SEC23A: variants seen among roughly 807,000 people sequenced by gnomAD.
SEC23A encodes the protein protein transport protein Sec23A.
A neutral mutation model predicts 103.7 loss-of-function variants in SEC23A; 56 were observed. That is an observed-to-expected ratio of 0.54 (90% CI 0.44 to 0.67). The LOEUF is 0.67. Among genes scored for constraint, SEC23A ranks in the 30% least tolerant of loss-of-function variants. SEC23A has a pLI of 0.00. For synonymous variants in SEC23A, 281 were observed against 293.0 expected (o/e 0.96, Z 0.42); for missense variants, 784 against 936.4 (o/e 0.84, Z 2.12).
At chr14:39,091,078 A>G in intron 5 of SEC23A, 1 of 417,790 alleles carries the variant, frequency 2.4e-6, no homozygotes, top group Admixed American at 3.2e-5. Flanking sequence ...TGATGATGAC[A>G]TGGACTTTGG....
intron 9 of SEC23A, among the ~76,000 whole-genome samples, chr14:39,070,441 T>C (rs557695863): frequency 6.6e-6 from 1 of 152,292 alleles, no homozygotes; most frequent in African/African-American, 2.4e-5. Flanking sequence ...CAGTATCTCC[T>C]ATGAAGACAG....
At chr14:39,073,773 C>G (rs1296414884) in intron 9 of SEC23A, among the ~76,000 whole-genome samples, 3 of 150,840 alleles carry the variant, frequency 2.0e-5, no homozygotes, top group African/African-American at 7.3e-5. Context: ...CCACGCCCAC[C>G]TAATTTTTGT....
Position 39,085,685 on chromosome 14 carries a change from TATATACACACACAC to T in SEC23A, c.828+63_828+76del, listed in dbSNP as rs932010040. The T allele has an allele frequency of 4.0e-4, 380 of 957,382 alleles. 4 individuals are homozygous for T. Among genetic ancestry groups the T allele is most frequent in the Non-Finnish European group, 5.3e-4 (354 of 664,770 alleles). 59.3% of individuals were successfully genotyped at this position (957,382 alleles called of 1,614,324 possible). ...TTGGTTCTTCTTATCCTTATAATTA[TATATACACACACAC>T]ACACACACACACACACACACACACA... is the stretch of plus-strand genomic sequence containing the variant. On this transcript the variant is annotated intron_variant, in intron 7 of 19. Coordinates refer to ENST00000307712, the MANE Select transcript of SEC23A (RefSeq NM_006364.4).
chr14:39,033,062 CATT>C lies in SEC23A; in HGVS notation c.*174_*176del. 1.6e-6 allele frequency: 1 copy of C among 614,622 alleles called. No homozygotes were observed. Among genetic ancestry groups the C allele is most frequent in the Admixed American group, 2.8e-5 (1 of 35,294 alleles). The allele number at this position is 614,622 out of a possible 1,614,324, so 38.1% of individuals were successfully genotyped here. On this transcript the variant is annotated 3_prime_UTR_variant, in exon 20 of 20. Coordinates refer to ENST00000307712, the MANE Select transcript of SEC23A (RefSeq NM_006364.4). ...AAAATAAATTTGTTCTTATTGCTCT[CATT>C]ATAATTCCAGCTTAATCTACAAATG...
rs144765020 is a variant in SEC23A, at chr14:39,091,580, A to G, written c.500T>C (p.Ile167Thr). 1,028 of 1,614,050 alleles carry G rather than the reference A, an allele frequency of 6.4e-4. 8 individuals carry two copies. The highest frequency in any genetic ancestry group is 1.5e-3 in the South Asian group (136 of 91,088). Residue 167 changes from isoleucine (I) to threonine (T), a missense_variant, in exon 5 of 20, where the codon ATT becomes ACT. Ile to Thr is a moderately conservative substitution (Grantham distance 89). Around this residue, in one of 2 missense-constraint regions of SEC23A, gnomAD observed 683 missense variants for 774.2 expected, o/e 0.88. Coordinates refer to ENST00000307712, the MANE Select transcript of SEC23A (RefSeq NM_006364.4). ...AACCTGAACCATTCTCCCAAAAGTA[A>G]TAAGTCCAACCAAAGCTGTAGGTGG... ...LLPPTALVGL[I>T]TFGRMVQVHE...
chr14:39,047,055 G>A (rs920046899), intron 15 of SEC23A, among the ~76,000 whole-genome samples: 1 of 152,154 alleles, frequency 6.6e-6, no homozygotes, highest in Admixed American at 6.5e-5. Flanking sequence ...TGACCAATTG[G>A]TAAATGTTAG....
intron 19 of SEC23A, among the ~76,000 whole-genome samples, chr14:39,034,652 A>G (rs966192735): frequency 1.3e-5 from 2 of 152,354 alleles, no homozygotes; most frequent in Admixed American, 1.3e-4. Flanking sequence ...AAGACAAAAT[A>G]TAAGGATTTC....
At chr14:39,043,677 G>A (rs1247128493) in intron 16 of SEC23A, among the ~76,000 whole-genome samples, 2 of 152,176 alleles carry the variant, frequency 1.3e-5, no homozygotes, top group African/African-American at 4.8e-5. Context: ...TTAGAGGTCT[G>A]AAAGGGAAAA....
At chr14:39,059,031 A>G (rs1441611989) in intron 13 of SEC23A, among the ~76,000 whole-genome samples, 2 of 152,106 alleles carry the variant, frequency 1.3e-5, no homozygotes, top group African/African-American at 4.8e-5. Context: ...GTTTAGACAT[A>G]AATTAAAAGG....
rs753338526 is a variant in SEC23A at position 39,067,304 on chromosome 14, G to C, written c.1104-8C>G. The C allele has an allele frequency of 1.9e-6, 3 of 1,612,938 alleles. No homozygotes were observed. The East Asian group carries it at 6.7e-5, about 36-fold the overall frequency. The stretch of plus-strand genomic sequence containing the variant: ...CCCATTACCATGTATCCTCTGCATG[G>C]AAAGAACAAAAAAACAACATACTTG... On this transcript the variant is annotated splice_region_variant and splice_polypyrimidine_tract_variant and intron_variant, in intron 9 of 19. Coordinates refer to ENST00000307712, the MANE Select transcript of SEC23A (RefSeq NM_006364.4).
rs2415524 is a variant in SEC23A, at chr14:39,045,559, T to C, written c.1738-235A>G. ...AAGAAAGAAAAAAAAAATTTTTAAG[T>C]TAAAGTAAGAAAAGGATGGCTGGGC... On this transcript the variant is annotated intron_variant, in intron 15 of 19. Transcript: ENST00000307712. Among the ~76,000 whole-genome samples the C allele has an allele frequency of 0.23, 35,315 of 151,852 alleles. 4,576 individuals are homozygous for C. Among genetic ancestry groups the C allele is most frequent in the Middle Eastern group, 0.37 (108 of 292 alleles).
At chr14:39,091,226 C>G (rs1887650618) in intron 5 of SEC23A, 1 of 509,064 alleles carries the variant, frequency 2.0e-6, no homozygotes, top group African/African-American at 1.9e-5. Flanking sequence ...CTTCAAATCT[C>G]TAGTAAAATA....
intron 1 of SEC23A, among the ~76,000 whole-genome samples, chr14:39,096,375 A>G (rs552577294): frequency 6.6e-6 from 1 of 152,236 alleles, no homozygotes; most frequent in Non-Finnish European, 1.5e-5. Context: ...TACTAAAAAT[A>G]CAAAATTAGC....
intron 7 of SEC23A, among the ~76,000 whole-genome samples, chr14:39,085,222 C>A (rs1305902915): frequency 6.6e-6 from 1 of 152,142 alleles, no homozygotes; most frequent in East Asian, 1.9e-4. Flanking sequence ...AGGGTGGTGC[C>A]CCAGAGAAGC....
chr14:39,085,685 TATATACACACAC>T lies in SEC23A; in HGVS notation c.828+65_828+76del, dbSNP rs1346133618. ...TTGGTTCTTCTTATCCTTATAATTA[TATATACACACAC>T]ACACACACACACACACACACACACA... On this transcript the variant is annotated intron_variant, in intron 7 of 19. Transcript: ENST00000307712. 112 of 957,368 alleles carry T rather than the reference TATATACACACAC, an allele frequency of 1.2e-4. 1 individual carries two copies. The highest frequency in any genetic ancestry group is 4.7e-4 in the Middle Eastern group (2 of 4,256). 59.3% of individuals were successfully genotyped at this position (957,368 alleles called of 1,614,324 possible). A position where few individuals can be genotyped will look rare whatever the true frequency, so the allele number is the denominator to read the frequency against.
intron 1 of SEC23A, among the ~76,000 whole-genome samples, chr14:39,096,736 T>C (rs2139300068): frequency 6.6e-6 from 1 of 152,142 alleles, no homozygotes; most frequent in East Asian, 1.9e-4. Flanking sequence ...AATGCAAAAA[T>C]AGGGGGAAAA....
chr14:39,033,179 G>GA lies in SEC23A; in HGVS notation c.*59dup, dbSNP rs1017532823. ...GGTTTCCACAGATAAATGGAAAAAG[G>GA]AAAAAATGAAATTTGAATATTATTT... is the stretch of plus-strand genomic sequence containing the variant. On this transcript the variant is annotated 3_prime_UTR_variant, in exon 20 of 20. Coordinates refer to ENST00000307712, the MANE Select transcript of SEC23A (RefSeq NM_006364.4). The GA allele has an allele frequency of 3.5e-4, 461 of 1,310,724 alleles. No homozygotes were observed. The highest frequency in any genetic ancestry group is 3.7e-4 in the Middle Eastern group (2 of 5,438). 81.2% of individuals were successfully genotyped at this position (1,310,724 alleles called of 1,614,324 possible).
chr14:39,093,295 T>C (rs1030419604), intron 2 of SEC23A, 51 bp from the exon 3 acceptor site: 2 of 1,444,300 alleles, frequency 1.4e-6, no homozygotes, highest in Non-Finnish European at 1.9e-6. Flanking sequence ...CAGTTCAATT[T>C]TACAAAAATC....
At chr14:39,058,225 T>G (rs1308343745) in intron 13 of SEC23A, among the ~76,000 whole-genome samples, 1 of 151,988 alleles carries the variant, frequency 6.6e-6, no homozygotes, top group East Asian at 1.9e-4. Flanking sequence ...GTAAGAGTGA[T>G]GAGTGATCCT....
Sources: gnomAD v4.1 joint callset for allele counts (sites outside exome capture counted in the v4.1 genomes callset) on GRCh38, gnomAD v4.1.1 for gene constraint, gnomAD v4.1.1 regional missense constraint, MANE v1.5 for transcripts, NCBI Gene and HGNC (gene_info 2026-07-23, HGNC 2026-07-21) for gene names.